Variants in IGLL5 observed in about 807,000 individuals in gnomAD.
The protein encoded by IGLL5 is immunoglobulin lambda like polypeptide 5.
In IGLL5, 30 loss-of-function variants were observed where a neutral mutation model predicts 20.9. That is an observed-to-expected ratio of 1.44 (90% CI 1.07 to 1.95). The LOEUF is 1.95. Among genes scored for constraint, IGLL5 ranks in the 30% most tolerant of loss-of-function variants. The pLI is 0.00. For missense variants in IGLL5, 475 were observed against 270.7 expected (o/e 1.75, Z -5.30); for synonymous variants, 203 against 117.3 (o/e 1.73, Z -4.72).
intron 1 of IGLL5, among the ~76,000 whole-genome samples, chr22:22,889,768 T>C (rs1365330499): frequency 2.0e-5 from 3 of 151,164 alleles, no homozygotes; most frequent in Admixed American, 6.6e-5. Flanking sequence ...TGATTAGGAT[T>C]ATTATTAGTT....
intron 2 of IGLL5, among the ~76,000 whole-genome samples, chr22:22,894,237 A>C (rs1601624833): frequency 1.3e-5 from 2 of 151,054 alleles, no homozygotes; most frequent in Admixed American, 6.6e-5. Flanking sequence ...AGCCCCAAGA[A>C]CAGCTGAGGG....
chr22:22,895,910 T>G lies in IGLL5; in HGVS notation c.*216T>G. 3.3e-6 allele frequency: 2 copies of G among 615,034 alleles called. No homozygotes were observed. Among genetic ancestry groups the G allele is most frequent in the Non-Finnish European group, 5.8e-6 (2 of 346,360 alleles). 38.1% of individuals were successfully genotyped at this position (615,034 alleles called of 1,614,324 possible). A position where few individuals can be genotyped will look rare whatever the true frequency, so the allele number is the denominator to read the frequency against. ...GTTCTCAGTGTGGGGTACAGGGAATTCTGCACCCAGTGTGAAAATCACCCA... is the reference window on the plus strand; with the variant it reads ...GTTCTCAGTGTGGGGTACAGGGAATGCTGCACCCAGTGTGAAAATCACCCA... On this transcript the variant is annotated 3_prime_UTR_variant, in exon 3 of 3. Coordinates refer to ENST00000526893, the MANE Select transcript of IGLL5 (RefSeq NM_001178126.2).
intron 1 of IGLL5, among the ~76,000 whole-genome samples, chr22:22,889,120 C>A (rs181345606): frequency 2.0e-5 from 3 of 151,094 alleles, no homozygotes; most frequent in Admixed American, 6.6e-5. Context: ...GAAAAATCAG[C>A]ACCGGATTGG....
chr22:22,888,743 T>A (rs555813997), intron 1 of IGLL5, among the ~76,000 whole-genome samples: 1 of 151,320 alleles, frequency 6.6e-6, no homozygotes, highest in African/African-American at 2.4e-5. Flanking sequence ...GTTCACCAAC[T>A]TGCACATAAA....
chr22:22,894,148 G>C (rs2067989020), intron 2 of IGLL5, among the ~76,000 whole-genome samples: 1 of 151,544 alleles, frequency 6.6e-6, no homozygotes, highest in Non-Finnish European at 1.5e-5. Flanking sequence ...TAGGGACATT[G>C]CCCAGTGACT....
At position 22,896,049 on chromosome 22, in the gene IGLL5, C is replaced by T. The variant is rs1469884291; in HGVS notation, c.*355C>T. ...CTGAGCTACCAGTCTGGCATCAGTTCAGACCAGTCCCACACCCTCCTAAAT... is the reference window on the plus strand; with the variant it reads ...CTGAGCTACCAGTCTGGCATCAGTTTAGACCAGTCCCACACCCTCCTAAAT... On this transcript the variant is annotated 3_prime_UTR_variant, in exon 3 of 3. Coordinates refer to ENST00000526893, the MANE Select transcript of IGLL5 (RefSeq NM_001178126.2). 1 of 458,512 alleles carries T rather than the reference C, an allele frequency of 2.2e-6. No individual in the cohort carries two copies. The highest frequency in any genetic ancestry group is 2.0e-5 in the African/African-American group (1 of 50,504). The allele number at this position is 458,512 out of a possible 1,614,324, so 28.4% of individuals were successfully genotyped here.
chr22:22,889,062 T>G (rs1411388208), intron 1 of IGLL5, among the ~76,000 whole-genome samples: 2 of 151,234 alleles, frequency 1.3e-5, no homozygotes, highest in East Asian at 2.0e-4. Flanking sequence ...GACGAGTCCT[T>G]GGATGGATTT....
chr22:22,890,431 T>A (rs2067798952), intron 1 of IGLL5, among the ~76,000 whole-genome samples: 1 of 150,746 alleles, frequency 6.6e-6, no homozygotes, highest in Non-Finnish European at 1.5e-5. Flanking sequence ...ACTTTCTGTA[T>A]CAGTCCATAT....
chr22:22,889,402 T>A (rs575388153), intron 1 of IGLL5, among the ~76,000 whole-genome samples: 2 of 151,228 alleles, frequency 1.3e-5, no homozygotes, highest in Admixed American at 6.6e-5. Flanking sequence ...AAAGTGTGTT[T>A]ATCTAAACTG....
At chr22:22,888,737 A>C (rs1601603447) in intron 1 of IGLL5, among the ~76,000 whole-genome samples, 2 of 151,320 alleles carry the variant, frequency 1.3e-5, no homozygotes, top group Admixed American at 6.6e-5. Context: ...CTGTCTGTTC[A>C]CCAACTTGCA....
chr22:22,888,468 T>C (rs550314006), intron 1 of IGLL5, among the ~76,000 whole-genome samples: 5 of 151,456 alleles, frequency 3.3e-5, no homozygotes, highest in South Asian at 2.1e-4. Context: ...GATATTATTT[T>C]TCTTGATTTC....
At chr22:22,894,821 C>T in intron 2 of IGLL5, among the ~76,000 whole-genome samples, 1 of 151,352 alleles carries the variant, frequency 6.6e-6, no homozygotes, top group South Asian at 2.1e-4. Context: ...GGAGCCCACT[C>T]CTTGCCAGGA....
At chr22:22,892,997 C>A (rs764698061) in intron 1 of IGLL5, among the ~76,000 whole-genome samples, 2 of 150,958 alleles carry the variant, frequency 1.3e-5, no homozygotes, top group African/African-American at 2.4e-5. Flanking sequence ...GGACTGTTGG[C>A]CTTAACCAGA....
Position 22,895,492 on chromosome 22 carries a change from T to C in IGLL5, c.443T>C (p.Val148Ala), listed in dbSNP as rs768441088. 11 of 1,612,698 alleles carry C rather than the reference T, an allele frequency of 6.8e-6. 1 individual carries two copies. The highest frequency in any genetic ancestry group is 8.5e-6 in the Non-Finnish European group (10 of 1,179,584). Residue 148 changes from valine (V) to alanine (A), a missense_variant, in exon 3 of 3, where the codon GTG (valine) becomes GCG (alanine). Val to Ala is a moderately conservative substitution (Grantham distance 64). Coordinates refer to ENST00000526893, the MANE Select transcript of IGLL5 (RefSeq NM_001178126.2). The part of the protein sequence containing the change: ...ISDFYPGAVT[V>A]AWKADGSPVK... Reference sequence around the variant, plus strand: ...GACTTCTACCCGGGAGCTGTGACAGTGGCCTGGAAGGCAGATGGCAGCCCC... The same window carrying C: ...GACTTCTACCCGGGAGCTGTGACAGCGGCCTGGAAGGCAGATGGCAGCCCC...
intron 1 of IGLL5, among the ~76,000 whole-genome samples, 196 bp downstream of exon 1, chr22:22,888,455 T>A (rs144484198): frequency 7.3e-5 from 11 of 151,324 alleles, no homozygotes; most frequent in East Asian, 4.1e-4. Flanking sequence ...AATATCATAT[T>A]ACGATATTAT....
chr22:22,893,365 C>T (rs531534504), intron 1 of IGLL5, among the ~76,000 whole-genome samples: 1 of 151,274 alleles, frequency 6.6e-6, no homozygotes, highest in Non-Finnish European at 1.5e-5. Context: ...CCTGGCTTCA[C>T]TGGGGACACT....
At chr22:22,890,299 G>C (rs1601611843) in intron 1 of IGLL5, among the ~76,000 whole-genome samples, 1 of 147,812 alleles carries the variant, frequency 6.8e-6, no homozygotes, top group East Asian at 2.1e-4. Context: ...CTGTGTGTGT[G>C]TGTGTCCCTG....
In IGLL5 at chr22:22,887,945, G is replaced by A. The variant is rs1453802168; in HGVS notation, c.-109G>A. 14 of 871,136 alleles carry A rather than the reference G, an allele frequency of 1.6e-5. No homozygotes were observed. The highest frequency in any genetic ancestry group is 2.7e-4 in the Middle Eastern group (1 of 3,720). 54.0% of individuals were successfully genotyped at this position (871,136 alleles called of 1,614,324 possible). Reference sequence around the variant, plus strand: ...AGTCCAGGGAGAGGACAGAGCCAATGGACTGGGGTGTACTGTAACAGCCCT... The same window carrying A: ...AGTCCAGGGAGAGGACAGAGCCAATAGACTGGGGTGTACTGTAACAGCCCT... On this transcript the variant is annotated 5_prime_UTR_variant, in exon 1 of 3. An upstream start codon of the reference 5' UTR is lost. Transcript: ENST00000526893.
At chr22:22,889,639 G>C (rs2067741805) in intron 1 of IGLL5, among the ~76,000 whole-genome samples, 2 of 151,416 alleles carry the variant, frequency 1.3e-5, no homozygotes, top group East Asian at 2.0e-4. Flanking sequence ...TCAGGCTGGA[G>C]TACAGTGGCG....
Sources: gnomAD v4.1 joint callset for allele counts (sites outside exome capture counted in the v4.1 genomes callset) on GRCh38, gnomAD v4.1.1 for gene constraint, MANE v1.5 for transcripts, NCBI Gene and HGNC (gene_info 2026-07-23, HGNC 2026-07-21) for gene names.